The following VIT variants were observed in gnomAD, a reference collection of about 807,000 sequenced individuals.
The protein encoded by VIT is vitrin.
A neutral mutation model predicts 78.0 loss-of-function variants in VIT; 99 were observed. That is an observed-to-expected ratio of 1.27 (90% CI 1.08 to 1.50). VIT has a LOEUF of 1.50. VIT is among the 40% of genes most tolerant of loss of function. VIT has a pLI of 0.00. For synonymous variants in VIT, 374 were observed against 334.3 expected (o/e 1.12, Z -1.29); for missense variants, 1,126 against 875.3 (o/e 1.29, Z -3.61).
At chr2:36,727,829 CG>C (rs1223347375) in intron 2 of VIT, among the ~76,000 whole-genome samples, 2 of 152,166 alleles carry the variant, frequency 1.3e-5, no homozygotes, top group African/African-American at 4.8e-5. Flanking sequence ...CCTACTGAGC[CG>C]CCAGCTGCCA....
Position 36,760,619 on chromosome 2 carries a change from T to C in VIT, c.487+1573T>C, listed in dbSNP as rs148589236. 4.7e-3 allele frequency among the ~76,000 whole-genome samples: 711 copies of C among 152,288 alleles called. 1 individual carries two copies. Among genetic ancestry groups the C allele is most frequent in the African/African-American group, 0.016 (677 of 41,566 alleles). Reference sequence around the variant, plus strand: ...CTCCTTAAGTGGCTGGCATCTCTGTTGTTTCATCTGGCCCTGTGGCTCTGC... The same window carrying C: ...CTCCTTAAGTGGCTGGCATCTCTGTCGTTTCATCTGGCCCTGTGGCTCTGC... On this transcript the variant is annotated intron_variant, in intron 6 of 15. Transcript: ENST00000379242.
At chr2:36,709,137 GA>G (rs1288099986) in intron 1 of VIT, among the ~76,000 whole-genome samples, 8 of 152,116 alleles carry the variant, frequency 5.3e-5, no homozygotes, top group Non-Finnish European at 1.5e-5. Flanking sequence ...GTGACAGAGC[GA>G]AACTCCGTCT....
chr2:36,800,324 G>T (rs1417558417), intron 12 of VIT, among the ~76,000 whole-genome samples: 1 of 152,182 alleles, frequency 6.6e-6, no homozygotes, highest in Non-Finnish European at 1.5e-5. Flanking sequence ...CAGCCTGGGT[G>T]ACAGAGTGAG....
chr2:36,707,407 C>T (rs915258507), intron 1 of VIT, among the ~76,000 whole-genome samples: 3 of 152,156 alleles, frequency 2.0e-5, no homozygotes, highest in Non-Finnish European at 2.9e-5. Context: ...GCACCCTCTC[C>T]CCAAAAAACA....
chr2:36,778,315 T>A (rs1049663514), intron 9 of VIT, among the ~76,000 whole-genome samples: 1 of 152,162 alleles, frequency 6.6e-6, no homozygotes, highest in Non-Finnish European at 1.5e-5. Context: ...TGCCAGCCTT[T>A]ACCCCTCCTA....
intron 15 of VIT, among the ~76,000 whole-genome samples, chr2:36,812,775 A>T (rs1255929573): frequency 6.6e-6 from 1 of 151,926 alleles, no homozygotes; most frequent in Non-Finnish European, 1.5e-5. Context: ...CTCAACTCAC[A>T]GTAGTTCATT....
intron 2 of VIT, among the ~76,000 whole-genome samples, chr2:36,720,393 G>C (rs1666428212): frequency 6.6e-6 from 1 of 152,122 alleles, no homozygotes; most frequent in Non-Finnish European, 1.5e-5. Flanking sequence ...AATGGGGAAA[G>C]AACAATCTCT....
rs112608123 is a variant in VIT, at chr2:36,777,911, A to T, written c.802+2844A>T. The stretch of plus-strand genomic sequence containing the variant: ...CAACCGAATCCTGCGATCCGCACTA[A>T]ACACCTCCTTTGTGTTTAGATCAAC... On this transcript the variant is annotated intron_variant, in intron 9 of 15. Coordinates refer to ENST00000379242, the MANE Select transcript of VIT (RefSeq NM_053276.4). Among the ~76,000 whole-genome samples, 690 of 152,242 alleles carry T rather than the reference A, an allele frequency of 4.5e-3. 14 individuals carry two copies. Among genetic ancestry groups the T allele is most frequent in the African/African-American group, 0.016 (656 of 41,538 alleles).
chr2:36,744,489 T>G (rs934824595), intron 4 of VIT, among the ~76,000 whole-genome samples: 10 of 152,024 alleles, frequency 6.6e-5, no homozygotes, highest in African/African-American at 2.4e-4. Flanking sequence ...ACATCTATTA[T>G]TTTTTGGCTT....
chr2:36,748,869 G>T (rs1364268775), intron 4 of VIT, among the ~76,000 whole-genome samples: 1 of 152,208 alleles, frequency 6.6e-6, no homozygotes, highest in Admixed American at 6.5e-5. Flanking sequence ...TGTTCAAAGT[G>T]TGATGGTTTA....
Position 36,787,407 on chromosome 2 carries a change from T to A in VIT, c.1058+131T>A, listed in dbSNP as rs980106787. ...AGCACAGATTTGTTCTCTTCCCTAA[T>A]GCAAATGTAAATGAAAAAACTGAAG... On this transcript the variant is annotated intron_variant, in intron 12 of 15. Transcript: ENST00000379242. The A allele has an allele frequency of 8.7e-5, 109 of 1,255,584 alleles. No individual in the cohort carries two copies. In the Admixed American group the frequency reaches 3.2e-3, roughly 37 times the overall value. The allele number at this position is 1,255,584 out of a possible 1,614,324, so 77.8% of individuals were successfully genotyped here.
At position 36,767,258 on chromosome 2, in the gene VIT, T is replaced by C; in HGVS notation, c.652T>C (p.Ser218Pro). 2 of 1,584,138 alleles carry C rather than the reference T, an allele frequency of 1.3e-6. No homozygotes were observed. The highest frequency in any genetic ancestry group is 1.7e-6 in the Non-Finnish European group (2 of 1,165,506). ...ASTTSIPRPQ[S>P]VGHRSQEMDL... ...TACCACCAGCATCCCCAGACCACAA[T>C]CAGTGGGCCACAGGAGCCAGGAGAT... Residue 218 changes from serine (S) to proline (P), a missense_variant, in exon 7 of 16, where the codon TCA (serine) becomes CCA (proline). Physicochemically the swap from Ser to Pro is moderately conservative, Grantham distance 74. Transcript: ENST00000379242.
chr2:36,706,337 A>G (rs1180054229), intron 1 of VIT, among the ~76,000 whole-genome samples: 4 of 152,238 alleles, frequency 2.6e-5, no homozygotes, highest in Non-Finnish European at 5.9e-5. Flanking sequence ...AAATATGAGA[A>G]GGGTTTTAAT....
In VIT at chr2:36,814,587, A is replaced by C. The variant is rs143613240; in HGVS notation, c.*226A>C. The C allele has an allele frequency of 3.3e-4, 171 of 522,744 alleles. No homozygotes were observed. The highest frequency in any genetic ancestry group is 2.9e-3 in the African/African-American group (154 of 52,854). 32.4% of individuals were successfully genotyped at this position (522,744 alleles called of 1,614,324 possible). A position where few individuals can be genotyped will look rare whatever the true frequency, so the allele number is the denominator to read the frequency against. On this transcript the variant is annotated 3_prime_UTR_variant, in exon 16 of 16. Transcript: ENST00000379242. ...TGAGCCAAAAGGCTACATCATGTTG[A>C]GGGTGCTGGAGATTTTACATTTTGA...
intron 1 of VIT, among the ~76,000 whole-genome samples, chr2:36,700,857 G>C (rs7558849): frequency 6.6e-6 from 1 of 151,976 alleles, no homozygotes; most frequent in Non-Finnish European, 1.5e-5. Flanking sequence ...AAACATATGA[G>C]GTGGGCTTTT....
At chr2:36,746,950 T>G (rs113648900) in intron 4 of VIT, among the ~76,000 whole-genome samples, 10 of 152,152 alleles carry the variant, frequency 6.6e-5, no homozygotes, top group Admixed American at 1.3e-4. Context: ...TACTATAAAA[T>G]TTCCACTCAA....
At chr2:36,750,616 T>C (rs1191333624) in intron 4 of VIT, among the ~76,000 whole-genome samples, 3 of 151,826 alleles carry the variant, frequency 2.0e-5, no homozygotes, top group African/African-American at 7.3e-5. Flanking sequence ...AGGTCAGGAA[T>C]TCGAGACCAG....
chr2:36,776,760 A>C (rs1352183681), intron 9 of VIT, among the ~76,000 whole-genome samples: 1 of 151,490 alleles, frequency 6.6e-6, no homozygotes. Flanking sequence ...GCGCCACTGC[A>C]CTCCAACCTA....
chr2:36,705,432 A>T (rs1373348091), intron 1 of VIT, among the ~76,000 whole-genome samples: 1 of 152,190 alleles, frequency 6.6e-6, no homozygotes, highest in East Asian at 1.9e-4. Context: ...GCCTTTGTGG[A>T]TGTGGTAAGC....
Sources: allele counts gnomAD v4.1 joint callset (sites outside exome capture counted in the v4.1 genomes callset), GRCh38; gene constraint gnomAD v4.1.1; transcripts MANE v1.5; gene names NCBI Gene and HGNC (gene_info 2026-07-23, HGNC 2026-07-21).